KLF12: variants seen among roughly 807,000 people sequenced by gnomAD.
KLF12 encodes the protein Krueppel-like factor 12.
Under a neutral mutation model 37.8 loss-of-function variants are expected in KLF12, and 9 were observed. The ratio of observed to expected loss-of-function variants is 0.24; its 90% CI spans 0.14 to 0.42. KLF12 has a LOEUF of 0.42. Ranked by LOEUF, KLF12 falls within the 10% of genes least tolerant of loss-of-function variation. KLF12 has a pLI of 1.00. For synonymous variants in KLF12, 208 were observed against 202.1 expected (o/e 1.03, Z -0.25); for missense variants, 411 against 516.0 (o/e 0.80, Z 1.97).
intron 6 of KLF12, 76 bp from the exon 7 acceptor site, chr13:73,715,601 G>T: frequency 7.0e-7 from 1 of 1,420,498 alleles, no homozygotes; most frequent in Non-Finnish European, 9.8e-7. Context: ...TGGGAACATT[G>T]TCTCAGACAC....
chr13:74,162,021 C>G, the KLF12 span, among the ~76,000 whole-genome samples: 1 of 152,154 alleles, frequency 6.6e-6, no homozygotes, highest in African/African-American at 2.4e-5. Flanking sequence ...TTTAGACTAT[C>G]AGATAGAGTT....
chr13:73,704,066 T>C (rs1050206237), intron 7 of KLF12, among the ~76,000 whole-genome samples: 2 of 152,248 alleles, frequency 1.3e-5, no homozygotes, highest in South Asian at 4.1e-4. Flanking sequence ...TCTTTTCCTA[T>C]GTGACTGGTT....
chr13:74,180,915 A>C, the KLF12 span, among the ~76,000 whole-genome samples: 1 of 152,204 alleles, frequency 6.6e-6, no homozygotes, highest in African/African-American at 2.4e-5. Flanking sequence ...TTTTGTATGT[A>C]GTCTGCTCAA....
At chr13:73,929,432 G>A (rs929509193) in intron 3 of KLF12, among the ~76,000 whole-genome samples, 4 of 152,086 alleles carry the variant, frequency 2.6e-5, no homozygotes, top group African/African-American at 9.7e-5. Flanking sequence ...GTCAGAGTAG[G>A]ACATAAATAC....
intron 5 of KLF12, among the ~76,000 whole-genome samples, chr13:73,806,489 G>C (rs1882635346): frequency 6.6e-6 from 1 of 151,802 alleles, no homozygotes; most frequent in Non-Finnish European, 1.5e-5. Flanking sequence ...TCTCAGCCTC[G>C]AGTAGCTGGA....
intron 3 of KLF12, among the ~76,000 whole-genome samples, chr13:73,877,792 G>A (rs529168750): frequency 5.3e-5 from 8 of 152,234 alleles, no homozygotes; most frequent in African/African-American, 1.9e-4. Context: ...GATATGGACA[G>A]GAGGCAAGGA....
At chr13:73,725,577 G>A (rs1165723666) in intron 6 of KLF12, among the ~76,000 whole-genome samples, 1 of 150,532 alleles carries the variant, frequency 6.6e-6, no homozygotes, top group Non-Finnish European at 1.5e-5. Context: ...TGATCAATAA[G>A]CTCATAATAT....
At chr13:73,872,200 A>G (rs1886504982) in intron 3 of KLF12, among the ~76,000 whole-genome samples, 1 of 152,148 alleles carries the variant, frequency 6.6e-6, no homozygotes, top group South Asian at 2.1e-4. Context: ...GTGTCTGGCC[A>G]TTTGCACTGC....
the KLF12 span, among the ~76,000 whole-genome samples, chr13:74,279,314 C>A: frequency 1.3e-5 from 2 of 152,122 alleles, no homozygotes; most frequent in Admixed American, 1.3e-4. Context: ...AGACTCTTGG[C>A]CTTCTATCCT....
intron 3 of KLF12, among the ~76,000 whole-genome samples, chr13:73,891,380 C>T (rs1887500274): frequency 6.6e-6 from 1 of 152,018 alleles, no homozygotes; most frequent in Non-Finnish European, 1.5e-5. Context: ...GATTAAGAAC[C>T]ATCTCCTCTC....
At chr13:74,259,119 C>G in the KLF12 span, 1 of 152,258 alleles carries the variant, frequency 6.6e-6, no homozygotes, top group African/African-American at 2.4e-5. Flanking sequence ...CCAGAGAAAG[C>G]CCGAGGATGG....
Position 73,695,342 on chromosome 13 carries a change from A to C in KLF12, c.*148T>G. 1 of 737,216 alleles carries C rather than the reference A, an allele frequency of 1.4e-6. No individual in the cohort carries two copies. Among genetic ancestry groups the C allele is most frequent in the Non-Finnish European group, 2.2e-6 (1 of 455,918 alleles). The allele number at this position is 737,216 out of a possible 1,614,324, so 45.7% of individuals were successfully genotyped here. On this transcript the variant is annotated 3_prime_UTR_variant, in exon 8 of 8. Coordinates refer to ENST00000377669, the MANE Select transcript of KLF12 (RefSeq NM_007249.5). ...TGGGGGTTACCTTCAGACCAAAAGA[A>C]GTGTGCCTTCTTTTTCCTGCTCTGG...
intron 6 of KLF12, among the ~76,000 whole-genome samples, chr13:73,754,218 T>C (rs1042514361): frequency 2.6e-5 from 4 of 152,186 alleles, no homozygotes; most frequent in Non-Finnish European, 2.9e-5. Flanking sequence ...CTACCCAGGC[T>C]TCTTTCCATT....
At chr13:73,695,891 G>A (rs1356456064) in intron 7 of KLF12, among the ~76,000 whole-genome samples, 1 of 152,138 alleles carries the variant, frequency 6.6e-6, no homozygotes. Context: ...GTTAACACTG[G>A]TGTCCTCCAT....
chr13:74,244,502 G>A, the KLF12 span, among the ~76,000 whole-genome samples: 4 of 152,312 alleles, frequency 2.6e-5, no homozygotes, highest in Non-Finnish European at 5.9e-5. Flanking sequence ...GACCGTTGAG[G>A]TAATTAGGTA....
chr13:74,111,227 T>G (rs1047816720), intron 1 of KLF12, among the ~76,000 whole-genome samples: 27 of 151,954 alleles, frequency 1.8e-4, no homozygotes, highest in African/African-American at 6.3e-4. Flanking sequence ...ATTAGCAAAT[T>G]TTATTGATTC....
intron 1 of KLF12, among the ~76,000 whole-genome samples, chr13:74,060,899 C>T (rs1398729459): frequency 6.6e-6 from 1 of 152,120 alleles, no homozygotes; most frequent in Non-Finnish European, 1.5e-5. Context: ...AAAAGCACTT[C>T]ACTATTGATA....
At chr13:74,148,889 AC>A in the KLF12 span, among the ~76,000 whole-genome samples, 5 of 152,126 alleles carry the variant, frequency 3.3e-5, no homozygotes, top group Non-Finnish European at 7.3e-5. Context: ...ACCTCGGCTC[AC>A]TGCAGCCTCC....
At chr13:73,780,469 TG>T (rs1396493928) in intron 5 of KLF12, among the ~76,000 whole-genome samples, 2 of 77,702 alleles carry the variant, frequency 2.6e-5, no homozygotes, top group African/African-American at 9.2e-5. Flanking sequence ...ACCCAAGGAA[TG>T]GTTTTTTTTT....
Sources: gnomAD v4.1 joint callset for allele counts (sites outside exome capture counted in the v4.1 genomes callset) on GRCh38, gnomAD v4.1.1 for gene constraint, MANE v1.5 for transcripts, NCBI Gene and HGNC (gene_info 2026-07-23, HGNC 2026-07-21) for gene names.